Variants in TMEM185A observed in about 807,000 individuals in gnomAD.
TMEM185A encodes the protein family with sequence similarity 11, member A.
A neutral mutation model predicts 25.0 loss-of-function variants in TMEM185A; 9 were observed. The ratio of observed to expected loss-of-function variants is 0.36; its 90% CI spans 0.22 to 0.63. The LOEUF (loss-of-function observed/expected upper bound fraction) is 0.63. Ranked by LOEUF, TMEM185A falls within the 20% of genes least tolerant of loss-of-function variation. The pLI is 0.68. For missense variants in TMEM185A, 103 were observed against 237.4 expected (o/e 0.43, Z 3.72); for synonymous variants, 45 against 93.5 (o/e 0.48, Z 2.99).
At chrX:149,621,013 C>T (rs1160140200) in intron 1 of TMEM185A, among the ~76,000 whole-genome samples, 1 of 111,809 alleles carries the variant, frequency 8.9e-6, no homozygotes. Flanking sequence ...AAATCAGAAC[C>T]AATTTGTCAA....
intron 1 of TMEM185A, among the ~76,000 whole-genome samples, chrX:149,630,018 T>G (rs1438961092): frequency 8.9e-6 from 1 of 111,807 alleles, no homozygotes; most frequent in Non-Finnish European, 1.9e-5. Context: ...AACTTTCTTA[T>G]CACCATCTCC....
At chrX:149,629,723 G>T (rs189442099) in intron 1 of TMEM185A, among the ~76,000 whole-genome samples, 20 of 111,648 alleles carry the variant, frequency 1.8e-4, no homozygotes, top group African/African-American at 4.6e-4. Flanking sequence ...TAATTTTTTT[G>T]GGGGGAAAAG....
chrX:149,612,520 C>G (rs975141625), intron 1 of TMEM185A, among the ~76,000 whole-genome samples: 1 of 112,591 alleles, frequency 8.9e-6, no homozygotes, highest in Admixed American at 9.4e-5. Flanking sequence ...CAAATAAACA[C>G]TAACCAAAAG....
chrX:149,620,924 C>T (rs1212160615), intron 1 of TMEM185A, among the ~76,000 whole-genome samples: 1 of 112,030 alleles, frequency 8.9e-6, no homozygotes, highest in East Asian at 2.8e-4. Context: ...ATGGAGTTAT[C>T]ACCACAATTA....
intron 1 of TMEM185A, among the ~76,000 whole-genome samples, chrX:149,629,151 C>T (rs1481642573): frequency 9.0e-6 from 1 of 111,644 alleles, no homozygotes; most frequent in Non-Finnish European, 1.9e-5. Flanking sequence ...GTCAGGAATG[C>T]TTCCCTTAGC....
At chrX:149,612,955 C>G (rs1295387638) in intron 1 of TMEM185A, among the ~76,000 whole-genome samples, 2 of 112,033 alleles carry the variant, frequency 1.8e-5, no homozygotes, top group Non-Finnish European at 3.8e-5. Flanking sequence ...GGGATGTTTT[C>G]TCACTACTTC....
chrX:149,603,511 C>T (rs782008529), intron 4 of TMEM185A, among the ~76,000 whole-genome samples: 1 of 111,602 alleles, frequency 9.0e-6, no homozygotes, highest in South Asian at 3.7e-4. Context: ...AGCTCAGTAA[C>T]ACTATTTCTG....
In TMEM185A at chrX:149,608,763, A is replaced by G. The variant is rs782414229; in HGVS notation, c.287T>C (p.Met96Thr). Reference protein sequence around the residue: ...IAVGIHLLLLMFEVLVCDRIE... With the variant: ...IAVGIHLLLLTFEVLVCDRIE... ...TCTGTCACAGACCAGAACTTCAAAC[A>G]TCAACAAGAGCAAGTGGATGCCCAC... Residue 96 changes from methionine to threonine, a missense_variant, in exon 3 of 7, where the codon ATG becomes ACG. Met to Thr is a moderately conservative substitution (Grantham distance 81). Transcript: ENST00000600449. 2 of 1,211,663 alleles carry G rather than the reference A, an allele frequency of 1.7e-6. No individual in the cohort carries two copies. Among genetic ancestry groups the G allele is most frequent in the Non-Finnish European group, 2.2e-6 (2 of 895,434 alleles).
At chrX:149,619,134 C>G (rs975535967) in intron 1 of TMEM185A, among the ~76,000 whole-genome samples, 6 of 112,028 alleles carry the variant, frequency 5.4e-5, no homozygotes, top group African/African-American at 1.6e-4. Context: ...CTCTCTTATA[C>G]TTTCAATGAA....
At chrX:149,620,381 G>T (rs1037902461) in intron 1 of TMEM185A, among the ~76,000 whole-genome samples, 10 of 112,404 alleles carry the variant, frequency 8.9e-5, no homozygotes, top group Non-Finnish European at 1.1e-4. Context: ...AGGCCTTTAT[G>T]CATTCTTCCC....
At chrX:149,629,685 C>T (rs1557356410) in intron 1 of TMEM185A, among the ~76,000 whole-genome samples, 1 of 111,773 alleles carries the variant, frequency 8.9e-6, no homozygotes, top group Non-Finnish European at 1.9e-5. Flanking sequence ...TGCTTAGATA[C>T]CAGGTATTTC....
At chrX:149,606,359 G>A (rs1216051282) in intron 3 of TMEM185A, among the ~76,000 whole-genome samples, 1 of 113,010 alleles carries the variant, frequency 8.8e-6, no homozygotes, top group Admixed American at 9.2e-5. Flanking sequence ...AGTTTGTATG[G>A]TGTCCCAACA....
intron 1 of TMEM185A, among the ~76,000 whole-genome samples, chrX:149,617,191 C>T (rs1177364735): frequency 9.0e-6 from 1 of 111,697 alleles, no homozygotes; most frequent in Non-Finnish European, 1.9e-5. Context: ...AAAAAAAATA[C>T]TTGCAACCTA....
intron 3 of TMEM185A, chrX:149,608,388 T>C: frequency 3.4e-6 from 1 of 290,628 alleles, no homozygotes; most frequent in Non-Finnish European, 6.0e-6. Context: ...TGGAGTGCAA[T>C]GGTTCAATCT....
chrX:149,617,718 C>T (rs1602875010), intron 1 of TMEM185A, among the ~76,000 whole-genome samples: 1 of 112,088 alleles, frequency 8.9e-6, no homozygotes, highest in East Asian at 2.8e-4. Context: ...CACACAAAGG[C>T]CTGTATTCAA....
At chrX:149,603,556 G>A (rs1340912183) in intron 4 of TMEM185A, among the ~76,000 whole-genome samples, 1 of 111,745 alleles carries the variant, frequency 8.9e-6, no homozygotes, top group Admixed American at 9.5e-5. Context: ...AAAAACAAAA[G>A]GCAAAAATTT....
At chrX:149,609,428 A>G (rs947188529) in intron 2 of TMEM185A, among the ~76,000 whole-genome samples, 5 of 112,956 alleles carry the variant, frequency 4.4e-5, no homozygotes, top group African/African-American at 1.6e-4. Context: ...CCATTAAGAT[A>G]AATTAACACC....
chrX:149,613,089 G>C (rs1298992612), intron 1 of TMEM185A, among the ~76,000 whole-genome samples: 1 of 111,870 alleles, frequency 8.9e-6, no homozygotes, highest in East Asian at 2.8e-4. Context: ...AACTGTGGTT[G>C]GTAGGCAGAA....
chrX:149,628,776 T>A (rs2090176634), intron 1 of TMEM185A, among the ~76,000 whole-genome samples: 1 of 111,872 alleles, frequency 8.9e-6, no homozygotes, highest in African/African-American at 3.3e-5. Flanking sequence ...CTCCCATCTC[T>A]CCAAAGCAAT....
Sources: allele counts gnomAD v4.1 joint callset (sites outside exome capture counted in the v4.1 genomes callset), GRCh38; gene constraint gnomAD v4.1.1; transcripts MANE v1.5; gene names NCBI Gene and HGNC (gene_info 2026-07-23, HGNC 2026-07-21).